The following GRIN2B variants were observed in gnomAD, a reference collection of about 807,000 sequenced individuals.
The protein encoded by GRIN2B is glutamate receptor ionotropic, NMDA 2B.
GRIN2B carries 5 observed loss-of-function variants against 114.5 expected under a neutral mutation model. The observed-to-expected ratio is 0.04, with a 90% CI of 0.02 to 0.09. The LOEUF (loss-of-function observed/expected upper bound fraction) is 0.09. GRIN2B is among the 10% of genes least tolerant of loss of function. The pLI is 1.00. For synonymous variants in GRIN2B, 787 were observed against 745.1 expected, an observed-to-expected ratio of 1.06 and a Z score of -0.92; for missense variants, 1,108 against 1,943.5, an observed-to-expected ratio of 0.57 and a Z score of 8.08.
intron 3 of GRIN2B, among the ~76,000 whole-genome samples, chr12:13,796,966 A>G (rs2136670752): frequency 6.6e-6 from 1 of 152,318 alleles, no homozygotes; most frequent in Middle Eastern, 3.4e-3. Context: ...ATCTATTTAG[A>G]TTGTGAGTCC....
At chr12:13,897,455 C>T (rs1327174306) in intron 2 of GRIN2B, among the ~76,000 whole-genome samples, 1 of 152,244 alleles carries the variant, frequency 6.6e-6, no homozygotes, top group East Asian at 1.9e-4. Context: ...TAGAGAGACT[C>T]CCAAATCCTC....
intron 5 of GRIN2B, among the ~76,000 whole-genome samples, chr12:13,650,960 C>G (rs1216550382): frequency 6.6e-6 from 1 of 152,080 alleles, no homozygotes; most frequent in African/African-American, 2.4e-5. Flanking sequence ...GCAGAACTCT[C>G]TGGTCAAAGC....
chr12:13,693,022 C>A (rs1412526689), intron 4 of GRIN2B, among the ~76,000 whole-genome samples: 1 of 151,960 alleles, frequency 6.6e-6, no homozygotes, highest in Non-Finnish European at 1.5e-5. Flanking sequence ...CCTGCCTAGG[C>A]CTCCCAGAGT....
At chr12:13,662,541 T>C (rs995811019) in intron 5 of GRIN2B, among the ~76,000 whole-genome samples, 3 of 152,152 alleles carry the variant, frequency 2.0e-5, no homozygotes, top group African/African-American at 4.8e-5. Context: ...GAAATGATCA[T>C]ATGTATTGAT....
intron 5 of GRIN2B, among the ~76,000 whole-genome samples, chr12:13,621,859 T>C (rs1949521326): frequency 6.6e-6 from 1 of 152,096 alleles, no homozygotes; most frequent in Non-Finnish European, 1.5e-5. Context: ...AACAGATTCC[T>C]CCATTACTGC....
chr12:13,836,264 G>A (rs775804157), intron 3 of GRIN2B, among the ~76,000 whole-genome samples: 10 of 152,292 alleles, frequency 6.6e-5, no homozygotes, highest in South Asian at 4.1e-4. Flanking sequence ...ATCTTGTGCC[G>A]TTGGGGAAGT....
intron 2 of GRIN2B, among the ~76,000 whole-genome samples, chr12:13,891,069 T>C (rs1196751337): frequency 6.6e-6 from 1 of 152,236 alleles, no homozygotes; most frequent in Non-Finnish European, 1.5e-5. Context: ...TTTCATCTTC[T>C]GAAATGTGAT....
At chr12:13,635,437 A>G (rs559003683) in intron 5 of GRIN2B, among the ~76,000 whole-genome samples, 1 of 152,202 alleles carries the variant, frequency 6.6e-6, no homozygotes, top group East Asian at 1.9e-4. Context: ...CCATGTTACT[A>G]GTTTAGGGTC....
At chr12:13,919,390 A>G (rs918721506) in intron 2 of GRIN2B, among the ~76,000 whole-genome samples, 2 of 152,208 alleles carry the variant, frequency 1.3e-5, no homozygotes, top group East Asian at 3.9e-4. Context: ...ACCCACATAA[A>G]TTGAATCATT....
At chr12:13,979,663 C>A (rs1169763674) in intron 2 of GRIN2B, among the ~76,000 whole-genome samples, 1 of 152,046 alleles carries the variant, frequency 6.6e-6, no homozygotes, top group East Asian at 1.9e-4. Flanking sequence ...GATACATTCC[C>A]CTGATGCCAT....
chr12:13,851,205 A>G (rs1359501614), intron 3 of GRIN2B, among the ~76,000 whole-genome samples: 1 of 152,198 alleles, frequency 6.6e-6, no homozygotes, highest in Admixed American at 6.5e-5. Flanking sequence ...TATCAGAGAC[A>G]AGAGAGTTGT....
rs941364535 is a variant in GRIN2B, at chr12:13,641,039, A to G, written c.1126-24382T>C. ...TTCCAGAAAACATAGAACTCTGAAT[A>G]TAAGCTAAACCCTGCTACTTAATTG... On this transcript the variant is annotated intron_variant, in intron 5 of 13. Transcript: ENST00000609686. 2.0e-5 allele frequency among the ~76,000 whole-genome samples: 3 copies of G among 151,926 alleles called. No individual in the cohort carries two copies. In the South Asian group the frequency reaches 6.2e-4, roughly 32 times the overall value.
chr12:13,786,081 G>T (rs188017227), intron 3 of GRIN2B, among the ~76,000 whole-genome samples: 15 of 152,166 alleles, frequency 9.9e-5, no homozygotes, highest in Admixed American at 4.6e-4. Flanking sequence ...GCCCAGGAAA[G>T]GATAATTGCT....
At chr12:13,607,229 TAATA>T (rs1332183738) in intron 10 of GRIN2B, among the ~76,000 whole-genome samples, 6 of 97,410 alleles carry the variant, frequency 6.2e-5, no homozygotes, top group Admixed American at 1.6e-4. Flanking sequence ...ATAAAATATA[TAATA>T]TATATTATAT....
At chr12:13,825,579 C>T (rs996585916) in intron 3 of GRIN2B, among the ~76,000 whole-genome samples, 13 of 146,850 alleles carry the variant, frequency 8.9e-5, no homozygotes, top group South Asian at 2.2e-4. Context: ...TGCAATGGCC[C>T]GATGTCGGCT....
chr12:13,975,585 C>T, intron 2 of GRIN2B, among the ~76,000 whole-genome samples: 1 of 152,142 alleles, frequency 6.6e-6, no homozygotes, highest in East Asian at 1.9e-4. Flanking sequence ...AAATTTTAAC[C>T]CTTCCTAAAC....
chr12:13,841,980 A>G (rs1280813992), intron 3 of GRIN2B, among the ~76,000 whole-genome samples: 1 of 152,170 alleles, frequency 6.6e-6, no homozygotes, highest in Non-Finnish European at 1.5e-5. Flanking sequence ...TAAAATAATT[A>G]GTCTGCAAAT....
At chr12:13,703,293 T>A (rs934655289) in intron 4 of GRIN2B, among the ~76,000 whole-genome samples, 2 of 152,186 alleles carry the variant, frequency 1.3e-5, no homozygotes, top group Admixed American at 1.3e-4. Context: ...ATGAGAGACC[T>A]CTTGCTGATG....
chr12:13,836,944 A>G (rs1340653577), intron 3 of GRIN2B, among the ~76,000 whole-genome samples: 7 of 152,204 alleles, frequency 4.6e-5, no homozygotes, highest in African/African-American at 1.7e-4. Context: ...TAGCTAAACA[A>G]CAACAATAAT....
Sources: allele counts gnomAD v4.1 joint callset (sites outside exome capture counted in the v4.1 genomes callset), GRCh38; gene constraint gnomAD v4.1.1; transcripts MANE v1.5; gene names NCBI Gene and HGNC (gene_info 2026-07-23, HGNC 2026-07-21).